Variants in SIGLEC15 observed in about 807,000 individuals in gnomAD.
SIGLEC15 encodes sialic acid binding Ig like lectin 15.
In SIGLEC15, 31 loss-of-function variants were observed where a neutral mutation model predicts 26.2. That is an observed-to-expected ratio of 1.18 (90% CI 0.89 to 1.60). The LOEUF is 1.60. Ranked by LOEUF, SIGLEC15 falls within the 40% of genes most tolerant of loss-of-function variation. The probability of loss-of-function intolerance (pLI) is 0.00; values close to 1 mark genes in which losing one functional copy is unlikely to be tolerated. For missense variants in SIGLEC15, 501 were observed against 488.4 expected, an observed-to-expected ratio of 1.03 and a Z score of -0.24; for synonymous variants, 207 against 221.9, an observed-to-expected ratio of 0.93 and a Z score of 0.60.
chr18:45,831,983 C>G (rs1175023130), intron 1 of SIGLEC15, among the ~76,000 whole-genome samples: 2 of 152,242 alleles, frequency 1.3e-5, no homozygotes, highest in Non-Finnish European at 2.9e-5. Context: ...CCACCTGCCT[C>G]GGCCTCCCAA....
At chr18:45,838,254 A>G (rs1256266036) in intron 3 of SIGLEC15, among the ~76,000 whole-genome samples, 1 of 152,186 alleles carries the variant, frequency 6.6e-6, no homozygotes, top group Non-Finnish European at 1.5e-5. Context: ...CCAGCCCGGA[A>G]AGACACTCGC....
chr18:45,835,296 G>C lies in SIGLEC15; in HGVS notation c.53-1733G>C, dbSNP rs548257455. Among the ~76,000 whole-genome samples, 4 of 152,320 alleles carry C rather than the reference G, an allele frequency of 2.6e-5. No individual in the cohort carries two copies. In the South Asian group the frequency reaches 8.3e-4, roughly 32 times the overall value. On this transcript the variant is annotated intron_variant, in intron 1 of 5. Transcript: ENST00000389474. ...GACCAGTAAAGGTAAGCTTCTCAGA[G>C]ATGGGCATGTGCACTAGAGAGAAAA...
At chr18:45,836,729 G>A (rs1199177722) in intron 1 of SIGLEC15, among the ~76,000 whole-genome samples, 1 of 152,212 alleles carries the variant, frequency 6.6e-6, no homozygotes, top group Non-Finnish European at 1.5e-5. Context: ...AGCCAGTCAG[G>A]GCACAGTTCA....
intron 1 of SIGLEC15, among the ~76,000 whole-genome samples, chr18:45,831,731 AG>A (rs1250077098): frequency 6.9e-6 from 1 of 145,952 alleles, no homozygotes; most frequent in Non-Finnish European, 1.5e-5. Flanking sequence ...TGTAGTGTCC[AG>A]GTACCAACAT....
intron 5 of SIGLEC15, 33 bp downstream of exon 5, chr18:45,840,274 C>G (rs749412361): frequency 6.2e-7 from 1 of 1,602,640 alleles, no homozygotes; most frequent in South Asian, 1.1e-5. Context: ...CCCTACCCTA[C>G]CCCACCCACC....
At position 45,839,115 on chromosome 18, in the gene SIGLEC15, G is replaced by A. The variant is rs984971728; in HGVS notation, c.874+20G>A. 4.4e-6 allele frequency: 6 copies of A among 1,365,196 alleles called. No individual in the cohort carries two copies. Among genetic ancestry groups the A allele is most frequent in the Non-Finnish European group, 5.6e-6 (6 of 1,068,818 alleles). 84.6% of individuals were successfully genotyped at this position (1,365,196 alleles called of 1,614,324 possible). A position where few individuals can be genotyped will look rare whatever the true frequency, so the allele number is the denominator to read the frequency against. ...GCCCAGGTGGGTGCGCCCCAGACAC[G>A]GGTGGCCGCGAGGGGCCGGGCCGGG... On this transcript the variant is annotated intron_variant, in intron 4 of 5. Transcript: ENST00000389474.
At chr18:45,837,181 T>A in intron 2 of SIGLEC15, 93 bp downstream of exon 2, 7 of 1,553,854 alleles carry the variant, frequency 4.5e-6, no homozygotes, top group Non-Finnish European at 6.1e-6. Flanking sequence ...CAGGTTTTGA[T>A]GGGGAAAAAC....
At chr18:45,826,296 T>C (rs777181664) in intron 1 of SIGLEC15, among the ~76,000 whole-genome samples, 3 of 152,126 alleles carry the variant, frequency 2.0e-5, no homozygotes, top group Non-Finnish European at 2.9e-5. Context: ...GTGGGAACAC[T>C]GTGGCAGGTT....
chr18:45,837,449 G>A, intron 2 of SIGLEC15, 64 bp from the exon 3 acceptor site: 1 of 1,417,904 alleles, frequency 7.1e-7, no homozygotes, highest in Non-Finnish European at 9.1e-7. Context: ...GGGGTTTCCA[G>A]GCCCCGGGTG....
intron 1 of SIGLEC15, among the ~76,000 whole-genome samples, chr18:45,836,386 C>G (rs2048276066): frequency 6.6e-6 from 1 of 151,942 alleles, no homozygotes; most frequent in Non-Finnish European, 1.5e-5. Flanking sequence ...TCTAAAGATC[C>G]TTTTGTGAAC....
chr18:45,837,911 G>A lies in SIGLEC15; in HGVS notation c.496+15G>A. ...GCACGTGACAGGCGAGGCGGCGTGGGAGCGGGTCCCCGGCCTCCCTTCCCG... is the reference window on the plus strand; with the variant it reads ...GCACGTGACAGGCGAGGCGGCGTGGAAGCGGGTCCCCGGCCTCCCTTCCCG... On this transcript the variant is annotated intron_variant, in intron 3 of 5. Coordinates refer to ENST00000389474, the MANE Select transcript of SIGLEC15 (RefSeq NM_213602.3). The A allele has an allele frequency of 6.7e-7, 1 of 1,484,350 alleles. No homozygotes were observed. Among genetic ancestry groups the A allele is most frequent in the Non-Finnish European group, 8.9e-7 (1 of 1,127,494 alleles). 91.9% of individuals were successfully genotyped at this position (1,484,350 alleles called of 1,614,324 possible).
Position 45,842,440 on chromosome 18 carries a change from T to A in SIGLEC15, c.*253T>A, listed in dbSNP as rs200801023. On this transcript the variant is annotated 3_prime_UTR_variant, in exon 6 of 6. Coordinates refer to ENST00000389474, the MANE Select transcript of SIGLEC15 (RefSeq NM_213602.3). Reference sequence around the variant, plus strand: ...GCATACGTCTGTGTGTGTGTGTGTGTGTGAGAGAGAGAGAGAGAGAGTACA... The same window carrying A: ...GCATACGTCTGTGTGTGTGTGTGTGAGTGAGAGAGAGAGAGAGAGAGTACA... 0.011 allele frequency: 4,948 copies of A among 456,148 alleles called. 140 individuals are homozygous for A. Among genetic ancestry groups the A allele is most frequent in the African/African-American group, 0.085 (4,083 of 47,990 alleles). 28.3% of individuals were successfully genotyped at this position (456,148 alleles called of 1,614,324 possible).
intron 1 of SIGLEC15, among the ~76,000 whole-genome samples, chr18:45,834,611 T>C (rs1416723138): frequency 6.6e-6 from 1 of 152,188 alleles, no homozygotes; most frequent in Non-Finnish European, 1.5e-5. Context: ...TGGCAGACTG[T>C]AGTGTAATTA....
chr18:45,826,213 T>C (rs570947499), intron 1 of SIGLEC15, among the ~76,000 whole-genome samples: 9 of 151,024 alleles, frequency 6.0e-5, no homozygotes, highest in African/African-American at 1.5e-4. Flanking sequence ...TGCTGATGCA[T>C]GGGAGGGGGT....
chr18:45,841,652 G>A (rs894077754), intron 5 of SIGLEC15, among the ~76,000 whole-genome samples: 1 of 152,174 alleles, frequency 6.6e-6, no homozygotes, highest in Non-Finnish European at 1.5e-5. Flanking sequence ...AGGGAGCCAG[G>A]CTGCCGGGGT....
intron 2 of SIGLEC15, 57 bp from the exon 3 acceptor site, chr18:45,837,456 G>A (rs991622870): frequency 7.0e-7 from 1 of 1,422,188 alleles, no homozygotes; most frequent in Admixed American, 3.2e-5. Context: ...CCAGGCCCCG[G>A]GTGCGGGCGC....
chr18:45,834,287 G>T (rs2048258777), intron 1 of SIGLEC15, among the ~76,000 whole-genome samples: 1 of 152,200 alleles, frequency 6.6e-6, no homozygotes, highest in Non-Finnish European at 1.5e-5. Context: ...GTCAGTGACT[G>T]AGAGGCAGGT....
chr18:45,833,733 TGTTA>T (rs1319611553), intron 1 of SIGLEC15, among the ~76,000 whole-genome samples: 1 of 152,212 alleles, frequency 6.6e-6, no homozygotes, highest in Non-Finnish European at 1.5e-5. Flanking sequence ...TTGCTGTTGC[TGTTA>T]GTTCATAAAC....
intron 1 of SIGLEC15, among the ~76,000 whole-genome samples, chr18:45,831,080 T>G (rs2048231541): frequency 6.6e-6 from 1 of 152,182 alleles, no homozygotes; most frequent in Admixed American, 6.5e-5. Context: ...AAAGTCAGCA[T>G]CAGAGCTAGG....
Sources: gnomAD v4.1 joint callset for allele counts (sites outside exome capture counted in the v4.1 genomes callset) on GRCh38, gnomAD v4.1.1 for gene constraint, MANE v1.5 for transcripts, NCBI Gene and HGNC (gene_info 2026-07-23, HGNC 2026-07-21) for gene names.